The following DOCK2 variants were observed in gnomAD, a reference collection of about 807,000 sequenced individuals.
DOCK2 encodes the protein dedicator of cytokinesis protein 2.
A neutral mutation model predicts 248.9 loss-of-function variants in DOCK2; 87 were observed. The observed-to-expected ratio is 0.35, with a 90% CI of 0.29 to 0.42. DOCK2 has a LOEUF of 0.42. Ranked by LOEUF, DOCK2 falls within the 10% of genes least tolerant of loss-of-function variation. DOCK2 has a pLI of 1.00. For synonymous variants in DOCK2, 805 were observed against 821.6 expected (o/e 0.98, Z 0.35); for missense variants, 1,747 against 2,300.2 (o/e 0.76, Z 4.92).
At chr5:169,813,414 G>T (rs1246147173) in intron 26 of DOCK2, among the ~76,000 whole-genome samples, 1 of 152,124 alleles carries the variant, frequency 6.6e-6, no homozygotes, top group East Asian at 1.9e-4. Flanking sequence ...CAGAAAGGGG[G>T]TGTTAATGCC....
At chr5:170,055,681 G>A (rs927297732) in intron 42 of DOCK2, among the ~76,000 whole-genome samples, 1 of 152,252 alleles carries the variant, frequency 6.6e-6, no homozygotes, top group Non-Finnish European at 1.5e-5. Flanking sequence ...TGCTCAGGTT[G>A]ATCTCAGAGT....
intron 22 of DOCK2, among the ~76,000 whole-genome samples, chr5:169,739,622 C>T (rs1341544995): frequency 6.6e-6 from 1 of 152,174 alleles, no homozygotes; most frequent in Admixed American, 6.5e-5. Flanking sequence ...ATTTTATTAG[C>T]TTTGCACGTG....
intron 27 of DOCK2, among the ~76,000 whole-genome samples, chr5:169,901,984 A>G (rs76985651): frequency 0.042 from 6,370 of 152,324 alleles, 169 homozygotes; most frequent in Non-Finnish European, 0.062. Context: ...ATACCATATC[A>G]GGCATTGGCC....
chr5:169,817,199 T>C (rs1406597150), intron 26 of DOCK2, among the ~76,000 whole-genome samples: 2 of 152,360 alleles, frequency 1.3e-5, no homozygotes, highest in African/African-American at 4.8e-5. Context: ...CTCTTCTGCA[T>C]TCTGAAAACT....
chr5:170,015,782 C>G (rs1416605190), intron 32 of DOCK2, among the ~76,000 whole-genome samples: 1 of 151,416 alleles, frequency 6.6e-6, no homozygotes, highest in African/African-American at 2.4e-5. Flanking sequence ...TCACAAAAGC[C>G]TCCCTCCCTC....
intron 27 of DOCK2, among the ~76,000 whole-genome samples, chr5:169,936,030 G>A (rs1238848655): frequency 6.6e-6 from 1 of 152,080 alleles, no homozygotes; most frequent in Non-Finnish European, 1.5e-5. Context: ...TGGCGGTGGG[G>A]GGAACAACTG....
chr5:169,741,546 A>G (rs775879760), intron 22 of DOCK2, among the ~76,000 whole-genome samples: 9 of 152,210 alleles, frequency 5.9e-5, no homozygotes, highest in East Asian at 1.9e-4. Context: ...GAAAGATTCA[A>G]TGGTTCTTTT....
At chr5:170,027,535 T>C (rs1163001384) in intron 33 of DOCK2, among the ~76,000 whole-genome samples, 1 of 152,224 alleles carries the variant, frequency 6.6e-6, no homozygotes, top group Non-Finnish European at 1.5e-5. Flanking sequence ...GAAATTTCTA[T>C]TTAACCTTTG....
intron 14 of DOCK2, among the ~76,000 whole-genome samples, chr5:169,703,393 T>C (rs1359300479): frequency 6.6e-6 from 1 of 152,184 alleles, no homozygotes; most frequent in Non-Finnish European, 1.5e-5. Flanking sequence ...TATGCCCCAT[T>C]TTACAGATAG....
intron 34 of DOCK2, among the ~76,000 whole-genome samples, chr5:170,031,593 A>G (rs539641431): frequency 9.3e-4 from 142 of 152,354 alleles, no homozygotes; most frequent in African/African-American, 3.2e-3. Context: ...GAAGTACTCA[A>G]TAAGTGGTAG....
At chr5:169,760,274 C>A (rs1764413168) in intron 24 of DOCK2, among the ~76,000 whole-genome samples, 1 of 131,250 alleles carries the variant, frequency 7.6e-6, no homozygotes, top group Non-Finnish European at 1.8e-5. Context: ...ATACCTTCTT[C>A]TTTTTAAAAA....
At chr5:169,834,238 C>T (rs584736) in intron 26 of DOCK2, among the ~76,000 whole-genome samples, 10 of 105,232 alleles carry the variant, frequency 9.5e-5, no homozygotes, top group Admixed American at 2.8e-4. Context: ...GGTCACCCTG[C>T]AGTAAGCTCA....
intron 7 of DOCK2, among the ~76,000 whole-genome samples, chr5:169,683,501 G>T (rs1385009935): frequency 6.6e-6 from 1 of 152,190 alleles, no homozygotes; most frequent in Non-Finnish European, 1.5e-5. Context: ...AAAGTGCTGA[G>T]ATTACAGGTG....
At chr5:169,739,724 C>T (rs1763214440) in intron 22 of DOCK2, among the ~76,000 whole-genome samples, 2 of 152,004 alleles carry the variant, frequency 1.3e-5, no homozygotes, top group South Asian at 2.1e-4. Context: ...CAAATAAAAA[C>T]ACTGAGGGAA....
chr5:170,037,480 A>ATT lies in DOCK2; in HGVS notation c.3665+946_3665+947dup, dbSNP rs370462327. On this transcript the variant is annotated intron_variant, in intron 36 of 51. Transcript: ENST00000520908. The stretch of plus-strand genomic sequence containing the variant: ...TCTACAATAAAAAGCACAAAAACAA[A>ATT]TTTTTTTTTTTTTTTTTTTTTTAAA... Among the ~76,000 whole-genome samples, 437 of 134,410 alleles carry ATT rather than the reference A, an allele frequency of 3.3e-3. 1 individual carries two copies. Among genetic ancestry groups the ATT allele is most frequent in the South Asian group, 9.5e-3 (40 of 4,222 alleles). 88.2% of individuals were successfully genotyped at this position (134,410 alleles called of 152,430 possible). A position where few individuals can be genotyped will look rare whatever the true frequency, so the allele number is the denominator to read the frequency against.
chr5:170,023,489 A>C (rs1469298483), intron 33 of DOCK2, among the ~76,000 whole-genome samples: 1 of 152,148 alleles, frequency 6.6e-6, no homozygotes, highest in African/African-American at 2.4e-5. Context: ...ACTTCTTATA[A>C]GCTGAATCAA....
At chr5:169,867,201 G>A (rs1771619485) in intron 27 of DOCK2, among the ~76,000 whole-genome samples, 1 of 152,204 alleles carries the variant, frequency 6.6e-6, no homozygotes, top group Non-Finnish European at 1.5e-5. Context: ...CAGGGTATGG[G>A]CAGGACCCAC....
chr5:169,672,471 A>G (rs745470629), intron 5 of DOCK2, among the ~76,000 whole-genome samples: 5 of 152,132 alleles, frequency 3.3e-5, no homozygotes, highest in African/African-American at 7.2e-5. Context: ...TCTGCATACA[A>G]CCTGTGTAAT....
intron 27 of DOCK2, among the ~76,000 whole-genome samples, chr5:169,912,190 C>G (rs544943148): frequency 2.0e-5 from 3 of 152,056 alleles, no homozygotes; most frequent in Middle Eastern, 3.4e-3. Context: ...TTTGTTTTGT[C>G]TTTCAGTTAT....
Sources: gnomAD v4.1 joint callset for allele counts (sites outside exome capture counted in the v4.1 genomes callset) on GRCh38, gnomAD v4.1.1 for gene constraint, MANE v1.5 for transcripts, NCBI Gene and HGNC (gene_info 2026-07-23, HGNC 2026-07-21) for gene names.